UBR3: variants seen among roughly 807,000 people sequenced by gnomAD.
UBR3 encodes the protein ubiquitin protein ligase E3 component n-recognin 3, also known as E3 ubiquitin-protein ligase UBR3.
A neutral mutation model predicts 243.2 loss-of-function variants in UBR3; 85 were observed. That is an observed-to-expected ratio of 0.35 (90% CI 0.29 to 0.42). The LOEUF (loss-of-function observed/expected upper bound fraction) is 0.42. Ranked by LOEUF, UBR3 falls within the 10% of genes least tolerant of loss-of-function variation. The pLI, the probability that UBR3 is intolerant of heterozygous loss-of-function variation, is 1.00. For synonymous variants in UBR3, 748 were observed against 799.8 expected (o/e 0.94, Z 1.09); for missense variants, 1,686 against 2,300.8 (o/e 0.73, Z 5.47).
chr2:169,836,182 C>T (rs1483759306), intron 1 of UBR3, among the ~76,000 whole-genome samples: 3 of 144,336 alleles, frequency 2.1e-5, no homozygotes, highest in Non-Finnish European at 4.5e-5. Context: ...CTCCTGAGTT[C>T]AAGCAATTCT....
chr2:169,951,619 T>C (rs916180218), intron 23 of UBR3, among the ~76,000 whole-genome samples: 1 of 152,070 alleles, frequency 6.6e-6, no homozygotes, highest in African/African-American at 2.4e-5. Flanking sequence ...TCGCACAGGG[T>C]ATAAATGGTT....
chr2:170,003,476 C>CA (rs35861445), intron 27 of UBR3, among the ~76,000 whole-genome samples: 148,838 of 152,236 alleles, frequency 0.98, 72,836 homozygotes, highest in East Asian at 1. Context: ...ATTCCTTCAG[C>CA]AATATTTATT....
intron 1 of UBR3, among the ~76,000 whole-genome samples, chr2:169,863,015 GCTTA>G (rs1559033648): frequency 2.6e-5 from 4 of 152,136 alleles, no homozygotes; most frequent in Non-Finnish European, 5.9e-5. Context: ...CTTGCCAAAG[GCTTA>G]CTTGTAGGGG....
In UBR3 at chr2:170,075,059, A is replaced by C. The variant is rs148907093; in HGVS notation, c.5199+1452A>C. Reference sequence around the variant, plus strand: ...AATAAAAAATTAATATTTCAGATGAATGTGTCAGACTAGGTTTCATTTTTA... The same window carrying C: ...AATAAAAAATTAATATTTCAGATGACTGTGTCAGACTAGGTTTCATTTTTA... On this transcript the variant is annotated intron_variant, in intron 36 of 38. Coordinates refer to ENST00000272793, the MANE Select transcript of UBR3 (RefSeq NM_172070.4). 5.8e-3 allele frequency among the ~76,000 whole-genome samples: 877 copies of C among 152,320 alleles called. 7 individuals carry two copies. Among genetic ancestry groups the C allele is most frequent in the African/African-American group, 0.02 (828 of 41,566 alleles).
Position 169,942,592 on chromosome 2 carries a change from C to T in UBR3, c.2763C>T (p.His921=), listed in dbSNP as rs1033599889. Residue 921 remains histidine (H), a synonymous_variant, in exon 20 of 39, where the codon CAC becomes CAT. Transcript: ENST00000272793. ...PSYKGLMRLL[H]CKTLHIVLFT... is the part of the protein sequence containing the mutation. ...ATAAAGGTCTTATGAGACTTTTGCACTGTAAAACTTTACACATTGTGCTAT... is the reference window on the plus strand; with the variant it reads ...ATAAAGGTCTTATGAGACTTTTGCATTGTAAAACTTTACACATTGTGCTAT... 2 of 1,550,094 alleles carry T rather than the reference C, an allele frequency of 1.3e-6. No individual in the cohort carries two copies.
Position 170,036,286 on chromosome 2 carries a change from G to A in UBR3, c.4557-4596G>A, listed in dbSNP as rs544035633. 3.3e-5 allele frequency among the ~76,000 whole-genome samples: 5 copies of A among 152,082 alleles called. No individual in the cohort carries two copies. The South Asian group carries it at 1.0e-3, about 32-fold the overall frequency. On this transcript the variant is annotated intron_variant, in intron 31 of 38. Transcript: ENST00000272793. ...ACAATTATGTATTTTAAAATATTAA[G>A]CATTTTAAAAGATAGTTATCACAAT... is the stretch of plus-strand genomic sequence containing the variant.
intron 1 of UBR3, among the ~76,000 whole-genome samples, chr2:169,846,356 T>C (rs903030303): frequency 6.6e-5 from 10 of 152,252 alleles, no homozygotes; most frequent in Admixed American, 2.0e-4. Flanking sequence ...TTGTCTGATA[T>C]TAATGTCGTC....
chr2:169,926,695 T>G lies in UBR3; in HGVS notation c.2155T>G (p.Cys719Gly), dbSNP rs2085923546. The change falls in exon 15 of 39, where the codon TGT (cysteine) becomes GGT (glycine). Residue 719 changes from cysteine (C) to glycine (G), a missense_variant. By Grantham distance (159) the Cys-to-Gly change is radical (BLOSUM62 -3). Around this residue, in one of 8 missense-constraint regions of UBR3, gnomAD observed 346 missense variants for 585.8 expected, o/e 0.59. Coordinates refer to ENST00000272793, the MANE Select transcript of UBR3 (RefSeq NM_172070.4). ...IDPDIYLLQV[C>G]ASRLDPDYFI... is the part of the protein sequence containing the mutation. Reference sequence around the variant, plus strand: ...AGCATTTTGTTTTCTTTTAAAGGTTTGTGCTTCTAGACTTGACCCAGATTA... The same window carrying G: ...AGCATTTTGTTTTCTTTTAAAGGTTGGTGCTTCTAGACTTGACCCAGATTA... 2.6e-6 allele frequency: 4 copies of G among 1,546,752 alleles called. No individual in the cohort carries two copies. Among genetic ancestry groups the G allele is most frequent in the Non-Finnish European group, 3.5e-6 (4 of 1,145,442 alleles).
intron 33 of UBR3, among the ~76,000 whole-genome samples, chr2:170,056,003 C>CTTTTTTTTTTTTTT (rs34415442): frequency 5.6e-5 from 5 of 88,914 alleles, no homozygotes; most frequent in Admixed American, 3.0e-4. Context: ...TCTTTTCTTT[C>CTTTTTTTTTTTTTT]TTTTTTTTTT....
chr2:169,905,693 T>G (rs1027334052), intron 9 of UBR3, among the ~76,000 whole-genome samples: 13 of 152,288 alleles, frequency 8.5e-5, no homozygotes, highest in Non-Finnish European at 2.9e-5. Context: ...TTTGTAACCA[T>G]TAATCTAGAA....
chr2:169,962,125 G>A (rs920865373), intron 24 of UBR3, among the ~76,000 whole-genome samples: 9 of 152,048 alleles, frequency 5.9e-5, no homozygotes, highest in Admixed American at 6.6e-5. Flanking sequence ...GTATCCCTGC[G>A]GAGGCCCATG....
intron 31 of UBR3, among the ~76,000 whole-genome samples, chr2:170,034,466 T>C (rs2090771445): frequency 6.6e-6 from 1 of 152,058 alleles, no homozygotes; most frequent in African/African-American, 2.4e-5. Flanking sequence ...TTTCATTTGG[T>C]AATATGTATT....
At chr2:170,024,301 C>G (rs2105418338) in intron 30 of UBR3, among the ~76,000 whole-genome samples, 1 of 131,880 alleles carries the variant, frequency 7.6e-6, no homozygotes, top group East Asian at 2.1e-4. Flanking sequence ...TTGCAGTGAG[C>G]TGAGATTGCG....
At chr2:169,866,884 GACCT>G (rs1244435937) in intron 1 of UBR3, among the ~76,000 whole-genome samples, 2 of 152,176 alleles carry the variant, frequency 1.3e-5, no homozygotes, top group Non-Finnish European at 2.9e-5. Flanking sequence ...ACAATTGAAA[GACCT>G]ACCTGAAGGG....
chr2:169,914,740 C>T (rs2085385227), intron 11 of UBR3, among the ~76,000 whole-genome samples: 2 of 152,110 alleles, frequency 1.3e-5, no homozygotes, highest in South Asian at 4.1e-4. Context: ...AAAGAAAGAC[C>T]ATGTTTCAGA....
chr2:169,939,434 A>AT (rs35441817), intron 19 of UBR3, among the ~76,000 whole-genome samples: 109,784 of 141,540 alleles, frequency 0.78, 42,520 homozygotes, highest in Non-Finnish European at 0.82. Flanking sequence ...AATTTTTTGT[A>AT]TTTTTTTTTT....
chr2:170,040,544 C>T (rs1309184922), intron 31 of UBR3, among the ~76,000 whole-genome samples: 1 of 152,146 alleles, frequency 6.6e-6, no homozygotes, highest in African/African-American at 2.4e-5. Context: ...ATAAGCCACT[C>T]CATTTGTAGT....
chr2:170,069,253 A>G (rs557674767), intron 35 of UBR3, among the ~76,000 whole-genome samples: 4 of 152,188 alleles, frequency 2.6e-5, no homozygotes, highest in South Asian at 2.1e-4. Context: ...ATAGTACACT[A>G]TAACCAAATG....
intron 6 of UBR3, among the ~76,000 whole-genome samples, chr2:169,892,475 A>G (rs2084414934): frequency 6.6e-6 from 1 of 152,180 alleles, no homozygotes; most frequent in South Asian, 2.1e-4. Flanking sequence ...CTTAAGTTAA[A>G]GTGTTTTTTT....
Sources: gnomAD v4.1 joint callset for allele counts (sites outside exome capture counted in the v4.1 genomes callset) on GRCh38, gnomAD v4.1.1 for gene constraint, gnomAD v4.1.1 regional missense constraint, MANE v1.5 for transcripts, NCBI Gene and HGNC (gene_info 2026-07-23, HGNC 2026-07-21) for gene names.